Variants in SEMA6A observed in about 807,000 individuals in gnomAD.
SEMA6A encodes semaphorin-6A.
A neutral mutation model predicts 96.8 loss-of-function variants in SEMA6A; 25 were observed. The observed-to-expected ratio is 0.26, with a 90% CI of 0.19 to 0.36. SEMA6A has a LOEUF of 0.36. Among genes scored for constraint, SEMA6A ranks in the 10% least tolerant of loss-of-function variants. The probability of loss-of-function intolerance (pLI) is 1.00; values close to 1 mark genes in which losing one functional copy is unlikely to be tolerated. For missense variants in SEMA6A, 1,363 were observed against 1,323.1 expected (o/e 1.03, Z -0.47); for synonymous variants, 612 against 518.0 (o/e 1.18, Z -2.46).
At chr5:116,456,628 T>C (rs1755026286) in intron 18 of SEMA6A, among the ~76,000 whole-genome samples, 1 of 152,212 alleles carries the variant, frequency 6.6e-6, no homozygotes, top group African/African-American at 2.4e-5. Flanking sequence ...GTAGGAAGAC[T>C]TGGAGGAGAA....
intron 2 of SEMA6A, 80 bp from the exon 3 acceptor site, chr5:116,502,407 G>A (rs1168251868): frequency 1.7e-6 from 2 of 1,208,626 alleles, no homozygotes; most frequent in African/African-American, 1.5e-5. Flanking sequence ...GAGGGAGACA[G>A]GTCACAAAAG....
rs765407020 is a variant in SEMA6A, at chr5:116,478,760, A to C, written c.1251-42T>G. On this transcript the variant is annotated intron_variant, in intron 12 of 18. Transcript: ENST00000343348. Reference sequence around the variant, plus strand: ...ACATTTCTTATCTCTTTGTTGGTCTATCATTAAAGTGTTCCCTGTTCCACT... The same window carrying C: ...ACATTTCTTATCTCTTTGTTGGTCTCTCATTAAAGTGTTCCCTGTTCCACT... 1.1e-5 allele frequency: 18 copies of C among 1,586,998 alleles called. No homozygotes were observed. The East Asian group carries it at 3.4e-4, about 30-fold the overall frequency.
At chr5:116,478,348 G>T in intron 13 of SEMA6A, 194 bp from the exon 14 acceptor site, 1 of 761,982 alleles carries the variant, frequency 1.3e-6, no homozygotes, top group South Asian at 1.9e-5. Context: ...ACACATATAT[G>T]TATCTATATA....
intron 4 of SEMA6A, among the ~76,000 whole-genome samples, chr5:116,496,534 T>G (rs1175844777): frequency 2.6e-5 from 4 of 152,242 alleles, no homozygotes; most frequent in Non-Finnish European, 5.9e-5. Flanking sequence ...CAAAATGGTC[T>G]TCTTCTGTTT....
intron 16 of SEMA6A, among the ~76,000 whole-genome samples, chr5:116,474,497 A>T (rs962092824): frequency 6.6e-6 from 1 of 152,222 alleles, no homozygotes; most frequent in Non-Finnish European, 1.5e-5. Context: ...CATAATAAGA[A>T]TTTTTGCCAA....
chr5:116,449,290 G>A, intron 18 of SEMA6A: 1 of 702,248 alleles, frequency 1.4e-6, no homozygotes, highest in Non-Finnish European at 2.6e-6. Flanking sequence ...TCCTATTATG[G>A]AAATGATAGC....
chr5:116,562,922 C>T (rs1297478873), intron 1 of SEMA6A: 5 of 588,440 alleles, frequency 8.5e-6, no homozygotes, highest in African/African-American at 3.7e-5. Flanking sequence ...CTTGCCCCCT[C>T]GGGTATGAAG....
Position 116,496,435 on chromosome 5 carries a change from C to T in SEMA6A, c.280-122G>A, listed in dbSNP as rs376140973. 5.0e-5 allele frequency: 35 copies of T among 700,668 alleles called. No individual in the cohort carries two copies. The East Asian group carries it at 9.5e-4, about 19-fold the overall frequency. The allele number at this position is 700,668 out of a possible 1,614,324, so 43.4% of individuals were successfully genotyped here. On this transcript the variant is annotated intron_variant, in intron 4 of 18. Coordinates refer to ENST00000343348, the MANE Select transcript of SEMA6A (RefSeq NM_020796.5). ...ATATTTATTGAAAGCTTTCTGCACC[C>T]TTTCTCCATGATTAATTCACCGTAA...
chr5:116,504,579 C>T (rs561071603), intron 2 of SEMA6A, among the ~76,000 whole-genome samples: 2 of 152,152 alleles, frequency 1.3e-5, no homozygotes, highest in African/African-American at 2.4e-5. Flanking sequence ...GGCATGAACA[C>T]GGCAGCCTCG....
chr5:116,538,566 A>G (rs1759826575), intron 1 of SEMA6A, among the ~76,000 whole-genome samples: 2 of 152,190 alleles, frequency 1.3e-5, no homozygotes, highest in South Asian at 2.1e-4. Context: ...CGTTCTGCTC[A>G]GAGGAACAGA....
chr5:116,496,181 C>T (rs1757591472), intron 5 of SEMA6A, 70 bp downstream of exon 5: 4 of 1,275,464 alleles, frequency 3.1e-6, no homozygotes, highest in Non-Finnish European at 4.6e-6. Context: ...ACATCACGGT[C>T]TATGGCTGGA....
intron 1 of SEMA6A, among the ~76,000 whole-genome samples, chr5:116,572,187 G>A (rs1761243427): frequency 6.6e-6 from 1 of 152,210 alleles, no homozygotes; most frequent in Non-Finnish European, 1.5e-5. Flanking sequence ...CGGCTTTTCA[G>A]ATCTGAGGTA....
chr5:116,468,600 G>C (rs1755917084), intron 17 of SEMA6A: 1 of 152,224 alleles, frequency 6.6e-6, no homozygotes, highest in Non-Finnish European at 1.5e-5. Flanking sequence ...GCCATTTCCT[G>C]TGAATTCGTT....
intron 1 of SEMA6A, among the ~76,000 whole-genome samples, chr5:116,558,472 T>G (rs1291331582): frequency 3.1e-4 from 3 of 9,810 alleles, no homozygotes; most frequent in Non-Finnish European, 3.8e-4. Context: ...TTTTTTTTTT[T>G]TGAGACGGAG....
At chr5:116,459,263 T>G (rs1227438938) in intron 18 of SEMA6A, among the ~76,000 whole-genome samples, 3 of 152,184 alleles carry the variant, frequency 2.0e-5, no homozygotes, top group Non-Finnish European at 2.9e-5. Context: ...AGATCCAAAA[T>G]TGATGCAAAA....
At position 116,446,654 on chromosome 5, in the gene SEMA6A, G is replaced by T; in HGVS notation, c.3052C>A (p.Pro1018Thr). ...TTGGGCTTCATGGATGTGGAAAGGG[G>T]AGCAAAGGATGGTTTGGGGGGTACG... ...PDVPPKPSFA[P>T]LSTSMKPNDA... The change falls in exon 19 of 19, where the codon CCC (proline) becomes ACC (threonine). Residue 1018 changes from proline to threonine, a missense_variant. By Grantham distance (38) the Pro-to-Thr change is conservative. Transcript: ENST00000343348. 1 of 1,534,664 alleles carries T rather than the reference G, an allele frequency of 6.5e-7. No individual in the cohort carries two copies. Among genetic ancestry groups the T allele is most frequent in the South Asian group, 1.3e-5 (1 of 76,904 alleles).
At chr5:116,468,408 A>C in intron 17 of SEMA6A, 1 of 152,226 alleles carries the variant, frequency 6.6e-6, no homozygotes, top group East Asian at 1.9e-4. Flanking sequence ...GGAGGCTTCA[A>C]CGGCTACACG....
chr5:116,503,539 G>C (rs1445363883), intron 2 of SEMA6A, among the ~76,000 whole-genome samples: 8 of 148,154 alleles, frequency 5.4e-5, no homozygotes, highest in Non-Finnish European at 1.2e-4. Flanking sequence ...TTGAGACAGA[G>C]TCTCGCTCTG....
chr5:116,509,483 C>G (rs1288675515), intron 1 of SEMA6A, among the ~76,000 whole-genome samples: 1 of 152,130 alleles, frequency 6.6e-6, no homozygotes, highest in Non-Finnish European at 1.5e-5. Flanking sequence ...CTCACTAGCT[C>G]CTAGTCTCCT....
Sources: allele counts gnomAD v4.1 joint callset (sites outside exome capture counted in the v4.1 genomes callset), GRCh38; gene constraint gnomAD v4.1.1; transcripts MANE v1.5; gene names NCBI Gene and HGNC (gene_info 2026-07-23, HGNC 2026-07-21).